The following FAM81A variants were observed in gnomAD, a reference collection of about 807,000 sequenced individuals.
FAM81A encodes protein FAM81A.
Under a neutral mutation model 46.7 loss-of-function variants are expected in FAM81A, and 19 were observed. The ratio of observed to expected loss-of-function variants is 0.41; its 90% CI spans 0.28 to 0.60. FAM81A has a LOEUF of 0.60. Among genes scored for constraint, FAM81A ranks in the 20% least tolerant of loss-of-function variants. The pLI is 0.34. For missense variants in FAM81A, 377 were observed against 453.5 expected (o/e 0.83, Z 1.53); for synonymous variants, 183 against 152.9 (o/e 1.20, Z -1.45).
intron 6 of FAM81A, among the ~76,000 whole-genome samples, chr15:59,511,504 C>T (rs938706275): frequency 1.1e-4 from 17 of 152,250 alleles, no homozygotes; most frequent in African/African-American, 2.6e-4. Context: ...CTCTTTATAG[C>T]GCTGAGTAAA....
chr15:59,421,745 G>GTCTATCTA (rs1242529010), intron 2 of FAM81A, among the ~76,000 whole-genome samples: 76 of 76,740 alleles, frequency 9.9e-4, no homozygotes, highest in African/African-American at 3.3e-3. Flanking sequence ...CTATCTATCT[G>GTCTATCTA]TCTATCTATC....
chr15:59,460,296 A>G lies in FAM81A; in HGVS notation c.294+90A>G, dbSNP rs756585386. ...CACCCACATCTAACTCCTACCTCCC[A>G]GGCAGTACTGCATTTAGAACAAAGC... On this transcript the variant is annotated intron_variant, in intron 3 of 8. Transcript: ENST00000288228. The surrounding 1 kb of genome is among the most constrained non-coding windows in gnomAD (Gnocchi z 4.4). The G allele has an allele frequency of 4.6e-6, 7 of 1,517,838 alleles. No individual in the cohort carries two copies. Among genetic ancestry groups the G allele is most frequent in the Non-Finnish European group, 6.4e-6 (7 of 1,095,382 alleles). The allele number at this position is 1,517,838 out of a possible 1,614,324, so 94.0% of individuals were successfully genotyped here.
At chr15:59,401,516 C>T in intron 1 of FAM81A, 1 of 748,104 alleles carries the variant, frequency 1.3e-6, no homozygotes, top group East Asian at 2.4e-5. Context: ...AGGTGGTATT[C>T]TTGTAAAGCC....
At chr15:59,407,411 C>T (rs1423633482) in intron 2 of FAM81A, among the ~76,000 whole-genome samples, 1 of 151,714 alleles carries the variant, frequency 6.6e-6, no homozygotes, top group Admixed American at 6.6e-5. Flanking sequence ...TCTCCTGCCT[C>T]AGCCTCCCCA....
At chr15:59,462,278 A>G (rs1157843466) in intron 3 of FAM81A, among the ~76,000 whole-genome samples, 3 of 151,768 alleles carry the variant, frequency 2.0e-5, no homozygotes, top group Admixed American at 2.0e-4. Flanking sequence ...CAAGCAATGT[A>G]TGAAGGTCCC....
At chr15:59,415,611 C>G (rs1357673869) in intron 2 of FAM81A, among the ~76,000 whole-genome samples, 1 of 152,204 alleles carries the variant, frequency 6.6e-6, no homozygotes, top group East Asian at 1.9e-4. Context: ...TAAACTTTTT[C>G]TAGAGCCTCT....
intron 2 of FAM81A, among the ~76,000 whole-genome samples, chr15:59,459,579 C>A (rs1370426028): frequency 1.3e-5 from 2 of 152,050 alleles, no homozygotes; most frequent in Non-Finnish European, 2.9e-5. Context: ...AGTTTGTAAC[C>A]ACTGTTTCAG....
chr15:59,485,562 TG>T, intron 3 of FAM81A, among the ~76,000 whole-genome samples: 1 of 152,250 alleles, frequency 6.6e-6, no homozygotes, highest in African/African-American at 2.4e-5. Flanking sequence ...TTATTGGGCT[TG>T]GGGTACCCCC....
intron 2 of FAM81A, among the ~76,000 whole-genome samples, chr15:59,413,346 C>T (rs996900305): frequency 2.0e-5 from 3 of 150,954 alleles, no homozygotes; most frequent in South Asian, 2.1e-4. Context: ...GAGGTGCGAA[C>T]GTAACTGGCT....
chr15:59,471,382 G>A (rs2141678804), intron 3 of FAM81A, among the ~76,000 whole-genome samples: 1 of 152,216 alleles, frequency 6.6e-6, no homozygotes, highest in Admixed American at 6.5e-5. Context: ...TGTGTCTCTT[G>A]TAATGTTTCT....
intron 6 of FAM81A, among the ~76,000 whole-genome samples, chr15:59,513,932 T>C (rs2082239800): frequency 6.6e-6 from 1 of 152,180 alleles, no homozygotes; most frequent in Admixed American, 6.5e-5. Flanking sequence ...TGCAGGGACA[T>C]GGATGGATCT....
intron 1 of FAM81A, among the ~76,000 whole-genome samples, chr15:59,455,210 T>C (rs1158202463): frequency 6.6e-6 from 1 of 152,148 alleles, no homozygotes; most frequent in Admixed American, 6.6e-5. Flanking sequence ...GTTTATTTTT[T>C]CTTACTTCTT....
At chr15:59,507,162 G>T in intron 4 of FAM81A, 51 bp from the exon 5 acceptor site, 1 of 1,566,420 alleles carries the variant, frequency 6.4e-7, no homozygotes, top group African/African-American at 1.4e-5. Context: ...AAGCTTTTGC[G>T]CATTGTTTTT....
At chr15:59,411,941 C>T (rs538762793) in intron 2 of FAM81A, among the ~76,000 whole-genome samples, 56 of 151,660 alleles carry the variant, frequency 3.7e-4, no homozygotes, top group South Asian at 2.1e-4. Flanking sequence ...AGGTGAGTGC[C>T]CTGGGGTGGA....
intron 1 of FAM81A, 47 bp from the exon 2 acceptor site, chr15:59,458,503 T>G: frequency 7.2e-7 from 1 of 1,382,918 alleles, no homozygotes; most frequent in Admixed American, 2.0e-5. Flanking sequence ...TGAGGTTAAG[T>G]TCTAGATATA....
intron 1 of FAM81A, among the ~76,000 whole-genome samples, chr15:59,447,234 T>C (rs2081362797): frequency 6.6e-6 from 1 of 152,188 alleles, no homozygotes; most frequent in African/African-American, 2.4e-5. Context: ...AATGTACAGT[T>C]GAAAAAATGT....
At chr15:59,412,404 T>A (rs2081125104) in intron 2 of FAM81A, among the ~76,000 whole-genome samples, 1 of 152,138 alleles carries the variant, frequency 6.6e-6, no homozygotes. Context: ...AAGCTGGTTT[T>A]TGGATTAATC....
At position 59,398,759 on chromosome 15, in the gene FAM81A, GAAAAAAAAAAAAAAAAA is replaced by G. The variant is rs71119468; in HGVS notation, c.-160-3504_-160-3488del. ...GGCAACAGAGTGAGACTCTGTCTCAGAAAAAAAAAAAAAAAAAAAAAAAAAAAAAGGAAATGAATCCA... is the reference window on the plus strand; with the variant it reads ...GGCAACAGAGTGAGACTCTGTCTCAGAAAAAAAAAAAAGGAAATGAATCCA... On this transcript the variant is annotated intron_variant, in intron 1 of 4. Coordinates refer to the FAM81A transcript ENST00000558348. Among the ~76,000 whole-genome samples, 4 of 41,408 alleles carry G rather than the reference GAAAAAAAAAAAAAAAAA, an allele frequency of 9.7e-5. No individual in the cohort carries two copies. The Admixed American group carries it at 1.3e-3, about 13-fold the overall frequency. The allele number at this position is 41,408 out of a possible 152,430, so 27.2% of individuals were successfully genotyped here.
chr15:59,458,495 A>G lies in FAM81A; in HGVS notation c.-77-55A>G, dbSNP rs117100014. 3,923 of 1,242,602 alleles carry G rather than the reference A, an allele frequency of 3.2e-3. 8 individuals carry two copies. Among genetic ancestry groups the G allele is most frequent in the Non-Finnish European group, 3.7e-3 (3,224 of 879,662 alleles). 77.0% of individuals were successfully genotyped at this position (1,242,602 alleles called of 1,614,324 possible). On this transcript the variant is annotated intron_variant, in intron 1 of 8. Transcript: ENST00000288228. ...TTAGCAACTTAATAATAAGCTTTTG[A>G]GGTTAAGTTCTAGATATAAACTGTT...
Sources: allele counts gnomAD v4.1 joint callset (sites outside exome capture counted in the v4.1 genomes callset), GRCh38; gene constraint gnomAD v4.1.1; non-coding constraint Gnocchi (gnomAD v3.1); transcripts MANE v1.5; gene names NCBI Gene and HGNC (gene_info 2026-07-23, HGNC 2026-07-21).